Variants in IL16 observed in about 807,000 individuals in gnomAD.
The protein encoded by IL16 is pro-interleukin-16.
In IL16, 67 loss-of-function variants were observed where a neutral mutation model predicts 110.1. That is an observed-to-expected ratio of 0.61 (90% CI 0.50 to 0.75). The LOEUF is 0.75. IL16 is among the 30% of genes least tolerant of loss of function. The pLI is 0.00. For missense variants in IL16, 1,545 were observed against 1,655.0 expected (o/e 0.93, Z 1.15); for synonymous variants, 689 against 662.9 (o/e 1.04, Z -0.61).
chr15:81,287,381 G>A (rs1396615360), intron 10 of IL16, among the ~76,000 whole-genome samples: 1 of 152,208 alleles, frequency 6.6e-6, no homozygotes, highest in Non-Finnish European at 1.5e-5. Context: ...GTTAGACTTA[G>A]GGCTGATAGC....
At chr15:81,294,665 C>T (rs1899899787) in intron 12 of IL16, among the ~76,000 whole-genome samples, 1 of 152,222 alleles carries the variant, frequency 6.6e-6, no homozygotes, top group Non-Finnish European at 1.5e-5. Context: ...CTGCCCTCCT[C>T]TGTTTGCTCT....
intron 3 of IL16, among the ~76,000 whole-genome samples, chr15:81,262,999 T>A (rs1031046330): frequency 7.2e-5 from 11 of 152,336 alleles, no homozygotes; most frequent in African/African-American, 2.4e-4. Flanking sequence ...TACTTAGCTC[T>A]TTTTATGCTT....
At chr15:81,211,685 G>T (rs1896250616) in intron 1 of IL16, among the ~76,000 whole-genome samples, 1 of 152,164 alleles carries the variant, frequency 6.6e-6, no homozygotes. Context: ...ACTGCACTTG[G>T]CCATGTTTAG....
At chr15:81,307,779 C>A (rs575378938) in intron 18 of IL16, among the ~76,000 whole-genome samples, 1 of 152,268 alleles carries the variant, frequency 6.6e-6, no homozygotes, top group Non-Finnish European at 1.5e-5. Context: ...CAGCCCAGGG[C>A]CCACCACTAG....
intron 2 of IL16, among the ~76,000 whole-genome samples, chr15:81,232,327 A>G (rs928978937): frequency 3.9e-5 from 6 of 151,906 alleles, no homozygotes; most frequent in African/African-American, 1.2e-4. Flanking sequence ...CAATTTTTAT[A>G]CTTTTTTCCC....
chr15:81,199,028 A>ATATAT (rs1555411587), intron 1 of IL16, among the ~76,000 whole-genome samples: 6 of 93,748 alleles, frequency 6.4e-5, no homozygotes, highest in South Asian at 3.7e-4. Context: ...TCAAAAAAAA[A>ATATAT]AAATATATAT....
chr15:81,259,512 A>G lies in IL16; in HGVS notation c.313-260A>G, dbSNP rs79811343. 7.8e-3 allele frequency among the ~76,000 whole-genome samples: 1,192 copies of G among 152,346 alleles called. 17 individuals carry two copies. The highest frequency in any genetic ancestry group is 0.027 in the African/African-American group (1,121 of 41,580). ...AAAGAACTTGACATCTAATAGCTGAAGGATTCATTCAATTTGTGTCGCATT... is the reference window on the plus strand; with the variant it reads ...AAAGAACTTGACATCTAATAGCTGAGGGATTCATTCAATTTGTGTCGCATT... On this transcript the variant is annotated intron_variant, in intron 2 of 18. Coordinates refer to ENST00000683961, the MANE Select transcript of IL16 (RefSeq NM_172217.5).
chr15:81,218,541 T>C (rs1896510297), intron 1 of IL16, among the ~76,000 whole-genome samples: 1 of 152,210 alleles, frequency 6.6e-6, no homozygotes, highest in Non-Finnish European at 1.5e-5. Context: ...ATTTTGTTCC[T>C]GCAAATAGCA....
chr15:81,262,073 C>G (rs978294929), intron 3 of IL16, among the ~76,000 whole-genome samples: 1 of 152,012 alleles, frequency 6.6e-6, no homozygotes, highest in Non-Finnish European at 1.5e-5. Context: ...CCTGCCCCCC[C>G]GAAAAGAGGT....
intron 1 of IL16, among the ~76,000 whole-genome samples, chr15:81,202,033 A>G (rs1197435210): frequency 1.3e-5 from 2 of 152,246 alleles, no homozygotes; most frequent in Non-Finnish European, 2.9e-5. Context: ...GAATTAGCCC[A>G]AGCAAAGGTG....
intron 9 of IL16, 130 bp downstream of exon 9, chr15:81,282,886 G>A (rs1364207448): frequency 1.3e-5 from 10 of 784,566 alleles, no homozygotes; most frequent in African/African-American, 1.2e-4. Flanking sequence ...CAGCCGCTCC[G>A]CCCGCCAGGA....
At chr15:81,203,005 A>G (rs1248007509) in intron 1 of IL16, among the ~76,000 whole-genome samples, 3 of 151,948 alleles carry the variant, frequency 2.0e-5, no homozygotes, top group Admixed American at 2.0e-4. Flanking sequence ...TGACTTTTTA[A>G]TGATCACCAT....
intron 14 of IL16, among the ~76,000 whole-genome samples, chr15:81,300,926 C>T (rs1900253359): frequency 6.6e-6 from 1 of 152,210 alleles, no homozygotes; most frequent in Admixed American, 6.5e-5. Flanking sequence ...ACTCCCTCGT[C>T]AGGGAGTTAG....
chr15:81,247,231 TCTA>T (rs764311061), intron 2 of IL16, among the ~76,000 whole-genome samples: 47 of 152,170 alleles, frequency 3.1e-4, no homozygotes, highest in Non-Finnish European at 5.4e-4. Context: ...TATCGTTTTC[TCTA>T]CTTTCTTTGA....
intron 10 of IL16, among the ~76,000 whole-genome samples, chr15:81,286,427 G>A (rs1176757075): frequency 1.3e-5 from 2 of 152,214 alleles, no homozygotes; most frequent in Admixed American, 1.3e-4. Context: ...AAAGGGACCT[G>A]ACATGGAAGG....
chr15:81,231,848 C>T (rs1184872262), intron 2 of IL16, among the ~76,000 whole-genome samples: 1 of 152,006 alleles, frequency 6.6e-6, no homozygotes, highest in Non-Finnish European at 1.5e-5. Flanking sequence ...TTTGGAAATC[C>T]TGTCCTCACC....
chr15:81,295,463 A>G, intron 12 of IL16: 1 of 1,289,686 alleles, frequency 7.8e-7, no homozygotes, highest in Non-Finnish European at 1.0e-6. Flanking sequence ...GGCTGCCTGT[A>G]AAAGAGCTAA....
At chr15:81,282,539 G>C in intron 8 of IL16, 100 bp from the exon 9 acceptor site, 1 of 843,124 alleles carries the variant, frequency 1.2e-6, no homozygotes, top group Admixed American at 1.7e-5. Context: ...GATGAAAGCT[G>C]TAATAACCAG....
chr15:81,236,707 A>G (rs994376647), intron 2 of IL16, among the ~76,000 whole-genome samples: 20 of 152,190 alleles, frequency 1.3e-4, no homozygotes, highest in Admixed American at 5.2e-4. Flanking sequence ...TGTAATTACA[A>G]TACTTTGGGA....
Sources: allele counts gnomAD v4.1 joint callset (sites outside exome capture counted in the v4.1 genomes callset), GRCh38; gene constraint gnomAD v4.1.1; transcripts MANE v1.5; gene names NCBI Gene and HGNC (gene_info 2026-07-23, HGNC 2026-07-21).